SORCS1: variants seen among roughly 807,000 people sequenced by gnomAD.
SORCS1 encodes VPS10 domain-containing receptor SorCS1.
A neutral mutation model predicts 146.1 loss-of-function variants in SORCS1; 60 were observed. That is an observed-to-expected ratio of 0.41 (90% CI 0.33 to 0.51). The LOEUF (loss-of-function observed/expected upper bound fraction) is 0.51, where lower values mean the gene tolerates loss of function less well. SORCS1 is among the 20% of genes least tolerant of loss of function. The pLI, the probability that SORCS1 is intolerant of heterozygous loss-of-function variation, is 0.21. For missense variants in SORCS1, 1,352 were observed against 1,487.6 expected (o/e 0.91, Z 1.50); for synonymous variants, 637 against 584.0 (o/e 1.09, Z -1.31).
At chr10:106,959,854 A>T (rs535279937) in intron 1 of SORCS1, among the ~76,000 whole-genome samples, 1 of 152,362 alleles carries the variant, frequency 6.6e-6, no homozygotes, top group African/African-American at 2.4e-5. Flanking sequence ...TATGTGCTTA[A>T]ATAATATACA....
At chr10:106,714,879 A>C (rs1017303445) in intron 6 of SORCS1, among the ~76,000 whole-genome samples, 5 of 152,186 alleles carry the variant, frequency 3.3e-5, no homozygotes, top group Non-Finnish European at 7.3e-5. Flanking sequence ...TGAGCTGTGC[A>C]ATAAGCCTAT....
intron 2 of SORCS1, among the ~76,000 whole-genome samples, chr10:106,840,958 T>G (rs577683980): frequency 6.6e-6 from 1 of 150,770 alleles, no homozygotes; most frequent in Admixed American, 6.6e-5. Context: ...CAGGTTCAAG[T>G]GATTCCCCTA....
At chr10:107,122,919 A>AT (rs1966489692) in intron 1 of SORCS1, among the ~76,000 whole-genome samples, 1 of 152,188 alleles carries the variant, frequency 6.6e-6, no homozygotes, top group Non-Finnish European at 1.5e-5. Flanking sequence ...AGTATCAGTC[A>AT]TTTTGACAAG....
chr10:106,939,429 G>A (rs141041170), intron 2 of SORCS1, among the ~76,000 whole-genome samples: 16 of 152,296 alleles, frequency 1.1e-4, no homozygotes, highest in Admixed American at 3.3e-4. Flanking sequence ...CAAAAGGGGC[G>A]ATGATGCAGG....
At chr10:106,998,918 C>T (rs1477145827) in intron 1 of SORCS1, among the ~76,000 whole-genome samples, 5 of 152,166 alleles carry the variant, frequency 3.3e-5, no homozygotes, top group African/African-American at 7.2e-5. Context: ...GAAGTATGTC[C>T]TTGTATTATT....
intron 1 of SORCS1, among the ~76,000 whole-genome samples, chr10:106,973,315 A>C (rs1955867712): frequency 6.6e-6 from 1 of 152,178 alleles, no homozygotes. Context: ...AGGAATGGGT[A>C]AGTATGTCCC....
intron 6 of SORCS1, among the ~76,000 whole-genome samples, chr10:106,723,273 G>C (rs1855908222): frequency 6.6e-6 from 1 of 152,102 alleles, no homozygotes; most frequent in Admixed American, 6.6e-5. Context: ...CAACAGTTTG[G>C]TCAACGTTTT....
At chr10:106,773,905 C>T (rs776979037) in intron 4 of SORCS1, among the ~76,000 whole-genome samples, 12 of 152,042 alleles carry the variant, frequency 7.9e-5, no homozygotes, top group East Asian at 1.9e-4. Flanking sequence ...GCCCAGATTG[C>T]GCCATTGCAC....
chr10:106,939,077 T>G (rs1440195928), intron 2 of SORCS1, among the ~76,000 whole-genome samples: 4 of 152,172 alleles, frequency 2.6e-5, no homozygotes, highest in Non-Finnish European at 5.9e-5. Context: ...GATTCCTAAT[T>G]GGGAGAAGGG....
intron 1 of SORCS1, among the ~76,000 whole-genome samples, chr10:107,128,183 A>T (rs569261236): frequency 1.3e-5 from 2 of 152,360 alleles, no homozygotes; most frequent in African/African-American, 4.8e-5. Flanking sequence ...AGGAAATTTA[A>T]GTAATCCTTT....
chr10:107,011,247 C>A (rs1452044508), intron 1 of SORCS1, among the ~76,000 whole-genome samples: 1 of 152,196 alleles, frequency 6.6e-6, no homozygotes, highest in East Asian at 1.9e-4. Flanking sequence ...TTATCCACAG[C>A]ATTGAAAACT....
intron 2 of SORCS1, among the ~76,000 whole-genome samples, chr10:106,889,018 C>T (rs1216173661): frequency 6.6e-6 from 1 of 152,036 alleles, no homozygotes; most frequent in Admixed American, 6.6e-5. Context: ...CCAATAAACG[C>T]TTTTTTTCAA....
At chr10:106,711,354 G>C (rs1040721191) in intron 6 of SORCS1, among the ~76,000 whole-genome samples, 2 of 152,134 alleles carry the variant, frequency 1.3e-5, no homozygotes, top group Admixed American at 6.6e-5. Context: ...ATTATTTACA[G>C]GAAATAGAGG....
At chr10:106,815,531 C>T (rs987521770) in intron 3 of SORCS1, among the ~76,000 whole-genome samples, 4 of 152,128 alleles carry the variant, frequency 2.6e-5, no homozygotes, top group Non-Finnish European at 5.9e-5. Context: ...ATCTTCTGGG[C>T]TTTATCAAAT....
chr10:107,062,557 T>C (rs1158576691), intron 1 of SORCS1, among the ~76,000 whole-genome samples: 1 of 152,124 alleles, frequency 6.6e-6, no homozygotes, highest in African/African-American at 2.4e-5. Flanking sequence ...CCATCTACCA[T>C]AGCTAACGAT....
chr10:106,999,434 CA>C (rs1434851784), intron 1 of SORCS1, among the ~76,000 whole-genome samples: 1 of 152,200 alleles, frequency 6.6e-6, no homozygotes, highest in African/African-American at 2.4e-5. Context: ...AGAGCCACAT[CA>C]AAAAGTGAAG....
In SORCS1 at chr10:106,597,426, G is replaced by C; in HGVS notation, c.3190C>G (p.Leu1064Val). Residue 1064 changes from leucine (L) to valine (V), a missense_variant, in exon 24 of 26, where the codon CTC becomes GTC. Leu to Val is a conservative substitution (Grantham distance 32, BLOSUM62 1). This residue lies in a region of SORCS1 where 214 missense variants were observed against 204.8 expected (regional missense o/e 1.05). Coordinates refer to ENST00000263054, the MANE Select transcript of SORCS1 (RefSeq NM_052918.5). The part of the protein sequence containing the change: ...EQISELLIHT[L>V]NQNSVHFELK... ...TCGAAGTGTACTGAGTTTTGGTTGA[G>C]CGTGTGGATCAGCAATTCTGATATC... The C allele has an allele frequency of 6.2e-7, 1 of 1,613,898 alleles. No homozygotes were observed. Among genetic ancestry groups the C allele is most frequent in the Non-Finnish European group, 8.5e-7 (1 of 1,179,834 alleles).
intron 17 of SORCS1, among the ~76,000 whole-genome samples, chr10:106,660,378 T>C (rs1850634710): frequency 6.6e-6 from 1 of 152,244 alleles, no homozygotes; most frequent in Non-Finnish European, 1.5e-5. Context: ...CAAACATTTA[T>C]CCTTTCTTTG....
intron 3 of SORCS1, among the ~76,000 whole-genome samples, chr10:106,783,899 C>T (rs1364618669): frequency 1.3e-5 from 2 of 152,002 alleles, no homozygotes; most frequent in African/African-American, 2.4e-5. Context: ...CATGCTAGTT[C>T]GCAAAGAAGT....
Sources: allele counts gnomAD v4.1 joint callset (sites outside exome capture counted in the v4.1 genomes callset), GRCh38; gene constraint gnomAD v4.1.1; regional missense constraint gnomAD v4.1.1; transcripts MANE v1.5; gene names NCBI Gene and HGNC (gene_info 2026-07-23, HGNC 2026-07-21).